The following DACH2 variants were observed in gnomAD, a reference collection of about 807,000 sequenced individuals.
The protein encoded by DACH2 is dachshund homolog 2.
A neutral mutation model predicts 35.8 loss-of-function variants in DACH2; 17 were observed. That is an observed-to-expected ratio of 0.48 (90% confidence interval 0.33 to 0.71). The LOEUF is 0.71. Among genes scored for constraint, DACH2 ranks in the 30% least tolerant of loss-of-function variants. DACH2 has a pLI of 0.02. For synonymous variants in DACH2, 195 were observed against 177.3 expected (o/e 1.10, Z -0.79); for missense variants, 469 against 472.7 (o/e 0.99, Z 0.07).
intron 4 of DACH2, among the ~76,000 whole-genome samples, chrX:86,658,737 T>G (rs1278362626): frequency 8.9e-6 from 1 of 111,858 alleles, no homozygotes; most frequent in Non-Finnish European, 1.9e-5. Flanking sequence ...ATTAGAAATA[T>G]AGTTATACAG....
chrX:86,158,709 C>CT (rs1452669757), intron 1 of DACH2, among the ~76,000 whole-genome samples: 12 of 110,932 alleles, frequency 1.1e-4, no homozygotes, highest in African/African-American at 3.6e-4. Context: ...ATTATCCCTC[C>CT]TAGTATATTT....
At position 86,663,655 on chromosome X, in the gene DACH2, A is replaced by G. The variant is rs765166164; in HGVS notation, c.772+12488A>G. Among the ~76,000 whole-genome samples, 6 of 111,846 alleles carry G rather than the reference A, an allele frequency of 5.4e-5. No individual in the cohort carries two copies. The Admixed American group carries it at 5.7e-4, about 11-fold the overall frequency. The stretch of plus-strand genomic sequence containing the variant: ...TTTTCTGAACCTGCAATATTTCCTA[A>G]TGAACGGTATTTCTAAATCTTATTT... On this transcript the variant is annotated intron_variant, in intron 4 of 11. Transcript: ENST00000373125.
At chrX:86,304,315 G>A in intron 1 of DACH2, 1 of 112,231 alleles carries the variant, frequency 8.9e-6, no homozygotes, top group East Asian at 2.8e-4. Context: ...GAAGCTGCAA[G>A]CTGTGTACTC....
intron 1 of DACH2, among the ~76,000 whole-genome samples, chrX:86,277,039 T>A (rs2147978824): frequency 9.0e-6 from 1 of 111,730 alleles, no homozygotes; most frequent in Non-Finnish European, 1.9e-5. Flanking sequence ...CAAATAAACT[T>A]TAGGATTTTT....
At chrX:86,569,692 T>C (rs778046253) in intron 3 of DACH2, among the ~76,000 whole-genome samples, 2 of 111,850 alleles carry the variant, frequency 1.8e-5, no homozygotes, top group African/African-American at 6.5e-5. Context: ...AAAGATGTTA[T>C]GATGAAATCT....
chrX:86,767,822 A>G (rs181224729), intron 7 of DACH2, among the ~76,000 whole-genome samples: 1 of 112,117 alleles, frequency 8.9e-6, no homozygotes, highest in Non-Finnish European at 1.9e-5. Context: ...CAACACCAGA[A>G]TTTGAACCCA....
intron 4 of DACH2, among the ~76,000 whole-genome samples, chrX:86,671,595 C>T (rs758059296): frequency 4.7e-4 from 53 of 111,824 alleles, no homozygotes; most frequent in Non-Finnish European, 8.6e-4. Flanking sequence ...GCTTCCTTCC[C>T]CTTTGCCTTC....
chrX:86,694,861 C>G (rs1287504296), intron 4 of DACH2, among the ~76,000 whole-genome samples, 160 bp from the exon 5 acceptor site: 6 of 111,787 alleles, frequency 5.4e-5, no homozygotes, highest in African/African-American at 1.9e-4. Flanking sequence ...CATCTCTAGA[C>G]TATTGAAAGT....
At chrX:86,294,010 G>A (rs1170979979) in intron 1 of DACH2, among the ~76,000 whole-genome samples, 1 of 111,893 alleles carries the variant, frequency 8.9e-6, no homozygotes, top group Non-Finnish European at 1.9e-5. Context: ...ATAATATCCT[G>A]CAGAGTGTTT....
chrX:86,681,740 C>T (rs1227026581), intron 4 of DACH2, among the ~76,000 whole-genome samples: 1 of 107,572 alleles, frequency 9.3e-6, no homozygotes, highest in Non-Finnish European at 1.9e-5. Context: ...TACTTTAAGC[C>T]CATGGCTTTT....
chrX:86,549,306 A>G (rs905394907), intron 3 of DACH2, among the ~76,000 whole-genome samples: 1 of 111,555 alleles, frequency 9.0e-6, no homozygotes, highest in African/African-American at 3.2e-5. Flanking sequence ...ATGTTTAAAA[A>G]ATAATAATGA....
chrX:86,429,355 A>G, intron 2 of DACH2, among the ~76,000 whole-genome samples: 1 of 111,097 alleles, frequency 9.0e-6, no homozygotes, highest in Non-Finnish European at 1.9e-5. Flanking sequence ...TGTGTTTATC[A>G]AGATTGAAAT....
At chrX:86,300,987 T>A (rs1323306957) in intron 1 of DACH2, among the ~76,000 whole-genome samples, 3 of 112,373 alleles carry the variant, frequency 2.7e-5, no homozygotes, top group Non-Finnish European at 3.8e-5. Flanking sequence ...TGAAGTGGAT[T>A]CCTTTAGTTG....
intron 3 of DACH2, among the ~76,000 whole-genome samples, chrX:86,537,626 TA>T (rs1323383766): frequency 8.9e-6 from 1 of 111,993 alleles, no homozygotes; most frequent in Non-Finnish European, 1.9e-5. Flanking sequence ...TATAATCAGT[TA>T]AAAGAAGCCA....
chrX:86,410,203 C>T (rs2036588121), intron 2 of DACH2, among the ~76,000 whole-genome samples: 2 of 112,147 alleles, frequency 1.8e-5, no homozygotes, highest in South Asian at 7.3e-4. Flanking sequence ...ATTTGAGAAA[C>T]AATGAATGAA....
chrX:86,473,370 C>T (rs1364803231), intron 2 of DACH2, among the ~76,000 whole-genome samples: 2 of 110,924 alleles, frequency 1.8e-5, no homozygotes, highest in South Asian at 7.5e-4. Flanking sequence ...TATAGACAAT[C>T]CAACTGAACT....
chrX:86,819,388 GT>G (rs1372930738), intron 11 of DACH2, among the ~76,000 whole-genome samples: 2 of 110,361 alleles, frequency 1.8e-5, no homozygotes, highest in Non-Finnish European at 3.8e-5. Context: ...ACCAATCCCT[GT>G]TTCACATAAA....
At chrX:86,463,206 A>G (rs2037606014) in intron 2 of DACH2, among the ~76,000 whole-genome samples, 2 of 110,912 alleles carry the variant, frequency 1.8e-5, no homozygotes, top group South Asian at 3.7e-4. Context: ...TTCTTGTATA[A>G]GATGATATTG....
chrX:86,156,283 G>A, intron 1 of DACH2, among the ~76,000 whole-genome samples: 1 of 111,192 alleles, frequency 9.0e-6, no homozygotes, highest in Admixed American at 9.6e-5. Flanking sequence ...CTTTGAAAAG[G>A]TTCATTAAGC....
Sources: gnomAD v4.1 joint callset for allele counts (sites outside exome capture counted in the v4.1 genomes callset) on GRCh38, gnomAD v4.1.1 for gene constraint, MANE v1.5 for transcripts, NCBI Gene and HGNC (gene_info 2026-07-23, HGNC 2026-07-21) for gene names.